The following CNOT9 variants were observed in gnomAD, a reference collection of about 807,000 sequenced individuals.
The protein encoded by CNOT9 is CCR4-NOT transcription complex subunit 9.
CNOT9 carries 8 observed loss-of-function variants against 37.4 expected under a neutral mutation model. The observed-to-expected ratio is 0.21, with a 90% CI of 0.13 to 0.39. CNOT9 has a LOEUF of 0.39. CNOT9 is among the 10% of genes least tolerant of loss of function. CNOT9 has a pLI of 1.00. For missense variants in CNOT9, 154 were observed against 365.3 expected (o/e 0.42, Z 4.71); for synonymous variants, 120 against 137.6 (o/e 0.87, Z 0.90).
chr2:218,585,926 G>A (rs1180821761), intron 4 of CNOT9, among the ~76,000 whole-genome samples: 1 of 152,144 alleles, frequency 6.6e-6, no homozygotes, highest in African/African-American at 2.4e-5. Context: ...ACAGATGTGA[G>A]CCACTGCACC....
intron 2 of CNOT9, among the ~76,000 whole-genome samples, chr2:218,582,734 C>A (rs533957415): frequency 1.1e-3 from 153 of 145,146 alleles, no homozygotes; most frequent in African/African-American, 3.8e-3. Context: ...ATGTGAGTCT[C>A]AAAAAAAAAA....
chr2:218,570,981 G>T (rs188751212), intron 1 of CNOT9, among the ~76,000 whole-genome samples: 1 of 152,120 alleles, frequency 6.6e-6, no homozygotes, highest in Non-Finnish European at 1.5e-5. Context: ...AAACTAAAAC[G>T]TAAAAAGTTG....
intron 3 of CNOT9, among the ~76,000 whole-genome samples, chr2:218,584,252 A>G (rs111355288): frequency 3.7e-4 from 57 of 152,258 alleles, no homozygotes; most frequent in African/African-American, 1.3e-3. Flanking sequence ...CACCATTACC[A>G]TTTGGGGCTG....
intron 2 of CNOT9, 50 bp downstream of exon 2, chr2:218,580,790 A>T (rs538328558): frequency 5.4e-5 from 82 of 1,508,226 alleles, no homozygotes; most frequent in Non-Finnish European, 7.1e-5. Context: ...TTACACTTGT[A>T]TATTTCTTTA....
intron 1 of CNOT9, among the ~76,000 whole-genome samples, chr2:218,571,032 A>C (rs911528421): frequency 2.6e-5 from 4 of 152,222 alleles, no homozygotes; most frequent in African/African-American, 9.6e-5. Context: ...CCGTTGGAGC[A>C]AACTGCATTA....
chr2:218,580,309 G>A (rs1694331042), intron 1 of CNOT9, among the ~76,000 whole-genome samples: 1 of 152,000 alleles, frequency 6.6e-6, no homozygotes, highest in Admixed American at 6.6e-5. Flanking sequence ...AAACATCCTG[G>A]TATGTCTTTA....
At chr2:218,584,557 C>A in intron 3 of CNOT9, 55 bp from the exon 4 acceptor site, 1 of 1,301,480 alleles carries the variant, frequency 7.7e-7, no homozygotes, top group Non-Finnish European at 1.1e-6. Flanking sequence ...TTTGAAAGTT[C>A]AGGATCCTTA....
At chr2:218,585,506 G>A (rs984915918) in intron 4 of CNOT9, among the ~76,000 whole-genome samples, 1 of 150,878 alleles carries the variant, frequency 6.6e-6, no homozygotes, top group East Asian at 1.9e-4. Flanking sequence ...CTGGGAGGTG[G>A]AGATGCAGTG....
rs912452459 is a variant in CNOT9, at chr2:218,596,786, T to A, written c.*2510T>A. 2 of 152,354 alleles carry A rather than the reference T, an allele frequency of 1.3e-5. No homozygotes were observed. The highest frequency in any genetic ancestry group is 2.9e-5 in the Non-Finnish European group (2 of 68,046). The allele number at this position is 152,354 out of a possible 1,614,324, so 9.4% of individuals were successfully genotyped here. On this transcript the variant is annotated 3_prime_UTR_variant, in exon 8 of 8. Coordinates refer to ENST00000273064, the MANE Select transcript of CNOT9 (RefSeq NM_005444.3). ...TGACAAGGTAATGCTTGAAACATCT[T>A]ACGAACTTTGATGTTCATTTCCTCA...
chr2:218,583,176 A>G (rs1428784578), intron 3 of CNOT9, 90 bp downstream of exon 3: 6 of 730,630 alleles, frequency 8.2e-6, no homozygotes, highest in South Asian at 7.9e-5. Context: ...GGCATGGAGG[A>G]GAGAGAGAGA....
At chr2:218,581,280 T>C (rs1314712372) in intron 2 of CNOT9, among the ~76,000 whole-genome samples, 6 of 151,520 alleles carry the variant, frequency 4.0e-5, no homozygotes, top group Admixed American at 3.3e-4. Flanking sequence ...GTGGTTCTCC[T>C]GCCTCAGCCT....
chr2:218,573,278 A>C (rs542301462), intron 1 of CNOT9, among the ~76,000 whole-genome samples: 1 of 150,502 alleles, frequency 6.6e-6, no homozygotes, highest in Non-Finnish European at 1.5e-5. Flanking sequence ...AGATTGTGCC[A>C]TTGCACTCGA....
In CNOT9 at chr2:218,568,845, G is replaced by T; in HGVS notation, c.-110G>T. 7.8e-7 allele frequency: 1 copy of T among 1,283,604 alleles called. No individual in the cohort carries two copies. The highest frequency in any genetic ancestry group is 1.1e-6 in the Non-Finnish European group (1 of 914,300). The allele number at this position is 1,283,604 out of a possible 1,614,324, so 79.5% of individuals were successfully genotyped here. A position where few individuals can be genotyped will look rare whatever the true frequency, so the allele number is the denominator to read the frequency against. On this transcript the variant is annotated 5_prime_UTR_variant, in exon 1 of 8. Coordinates refer to ENST00000273064, the MANE Select transcript of CNOT9 (RefSeq NM_005444.3). ...GCCGCGAAGTGGGCGGAGCGAGCCG[G>T]AGTCGGATGGCGGCTACGGCGGCTC...
chr2:218,583,946 A>G (rs2106090573), intron 3 of CNOT9, among the ~76,000 whole-genome samples: 1 of 152,372 alleles, frequency 6.6e-6, no homozygotes, highest in Non-Finnish European at 1.5e-5. Flanking sequence ...TAACAAAAAA[A>G]GAAGAATGTG....
intron 1 of CNOT9, among the ~76,000 whole-genome samples, chr2:218,572,226 C>T (rs918335762): frequency 5.9e-5 from 9 of 151,992 alleles, no homozygotes; most frequent in Admixed American, 3.9e-4. Flanking sequence ...GAGGCTGAGG[C>T]GGGAGAATCA....
At chr2:218,588,216 A>G (rs973869370) in intron 5 of CNOT9, among the ~76,000 whole-genome samples, 5 of 151,956 alleles carry the variant, frequency 3.3e-5, no homozygotes, top group African/African-American at 9.7e-5. Flanking sequence ...TTTTTAGGTG[A>G]ACTTACTTTT....
chr2:218,594,621 C>T lies in CNOT9; in HGVS notation c.*345C>T. The T allele has an allele frequency of 3.8e-6, 1 of 266,102 alleles. No homozygotes were observed. The allele number at this position is 266,102 out of a possible 1,614,324, so 16.5% of individuals were successfully genotyped here. A position where few individuals can be genotyped will look rare whatever the true frequency, so the allele number is the denominator to read the frequency against. On this transcript the variant is annotated 3_prime_UTR_variant, in exon 8 of 8. Transcript: ENST00000273064. The stretch of plus-strand genomic sequence containing the variant: ...CCTAGCCACTGGCAGGGAGGGGAGA[C>T]AGTGGTGATAGCAGCAGCACTCTAG...
rs375807883 is a variant in CNOT9, at chr2:218,578,654, C to G, written c.25-1907C>G. ...TCTGCAAGTGTAGATAGCCTTCCCC[C>G]CCGCCTCCCGCTCCTTCTTTTATTT... On this transcript the variant is annotated intron_variant, in intron 1 of 7. Coordinates refer to ENST00000273064, the MANE Select transcript of CNOT9 (RefSeq NM_005444.3). Among the ~76,000 whole-genome samples the G allele has an allele frequency of 7.2e-5, 11 of 151,980 alleles. No homozygotes were observed. In the East Asian group the frequency reaches 9.7e-4, roughly 13 times the overall value.
At chr2:218,593,751 T>A in intron 7 of CNOT9, 2 of 1,203,106 alleles carry the variant, frequency 1.7e-6, no homozygotes, top group Non-Finnish European at 2.1e-6. Flanking sequence ...CTTGTTAATG[T>A]ACTGATTTTT....
Sources: allele counts gnomAD v4.1 joint callset (sites outside exome capture counted in the v4.1 genomes callset), GRCh38; gene constraint gnomAD v4.1.1; transcripts MANE v1.5; gene names NCBI Gene and HGNC (gene_info 2026-07-23, HGNC 2026-07-21).